SYN3: variants seen among roughly 807,000 people sequenced by gnomAD.
SYN3 encodes the protein synapsin-3.
Under a neutral mutation model 65.8 loss-of-function variants are expected in SYN3, and 35 were observed. The ratio of observed to expected loss-of-function variants is 0.53; its 90% confidence interval spans 0.41 to 0.70. The LOEUF (loss-of-function observed/expected upper bound fraction) is 0.70. SYN3 is among the 30% of genes least tolerant of loss of function. SYN3 has a pLI of 0.00. For missense variants in SYN3, 680 were observed against 749.0 expected, an observed-to-expected ratio of 0.91 and a Z score of 1.08; for synonymous variants, 270 against 292.9, an observed-to-expected ratio of 0.92 and a Z score of 0.80.
chr22:32,959,917 C>G (rs2146878785), intron 3 of SYN3, among the ~76,000 whole-genome samples: 1 of 152,242 alleles, frequency 6.6e-6, no homozygotes, highest in East Asian at 1.9e-4. Context: ...TTTTGAGGCT[C>G]AAAGGGTTCA....
chr22:32,880,318 G>C (rs528179010), intron 4 of SYN3, among the ~76,000 whole-genome samples: 2 of 152,340 alleles, frequency 1.3e-5, no homozygotes, highest in Admixed American at 1.3e-4. Context: ...GTGACTCATG[G>C]AGGGAGTCCT....
intron 3 of SYN3, among the ~76,000 whole-genome samples, chr22:32,976,386 A>G (rs2052189191): frequency 6.6e-6 from 1 of 152,196 alleles, no homozygotes; most frequent in South Asian, 2.1e-4. Context: ...ACACGGAGGA[A>G]AGACTGGCCG....
At chr22:32,643,493 C>T (rs1253260647) in intron 6 of SYN3, among the ~76,000 whole-genome samples, 1 of 121,854 alleles carries the variant, frequency 8.2e-6, no homozygotes, top group East Asian at 2.6e-4. Flanking sequence ...CCCAGAGAGT[C>T]CTTGAAATCA....
chr22:32,956,055 T>TATATATATATAC (rs2051446129), intron 3 of SYN3, among the ~76,000 whole-genome samples: 1 of 129,910 alleles, frequency 7.7e-6, no homozygotes, highest in African/African-American at 2.7e-5. Context: ...TATATATATA[T>TATATATATATAC]ATATATAAAA....
At chr22:32,650,756 C>T (rs146652710) in intron 6 of SYN3, among the ~76,000 whole-genome samples, 1,754 of 152,194 alleles carry the variant, frequency 0.012, 33 homozygotes, top group African/African-American at 0.04. Flanking sequence ...CTCACTATGC[C>T]GCGTGTTTAC....
At position 32,931,275 on chromosome 22, in the gene SYN3, A is replaced by T. The variant is rs1265463391; in HGVS notation, c.461+115T>A. The T allele has an allele frequency of 4.3e-6, 3 of 703,044 alleles. No individual in the cohort carries two copies. In the African/African-American group the frequency reaches 5.2e-5, roughly 12 times the overall value. 43.6% of individuals were successfully genotyped at this position (703,044 alleles called of 1,614,324 possible). ...CACCTGGGAAGCAGACATTCTGTACAGGAAAGTACATGTGGCAAAGGAGTT... is the reference window on the plus strand; with the variant it reads ...CACCTGGGAAGCAGACATTCTGTACTGGAAAGTACATGTGGCAAAGGAGTT... On this transcript the variant is annotated intron_variant, in intron 4 of 13. Transcript: ENST00000358763.
intron 10 of SYN3, among the ~76,000 whole-genome samples, chr22:32,533,221 TC>T (rs1409113743): frequency 6.6e-6 from 1 of 151,836 alleles, no homozygotes; most frequent in African/African-American, 2.4e-5. Context: ...CCTACATCTT[TC>T]CCTCTATTCA....
chr22:32,571,011 G>GAGCA (rs2058751819), intron 7 of SYN3, among the ~76,000 whole-genome samples: 1 of 152,168 alleles, frequency 6.6e-6, no homozygotes, highest in South Asian at 2.1e-4. Flanking sequence ...TATTTAAGCA[G>GAGCA]AGCAAGAGGG....
At chr22:32,802,053 G>C (rs1324470172) in intron 6 of SYN3, 1 of 1,577,050 alleles carries the variant, frequency 6.3e-7, no homozygotes, top group Non-Finnish European at 8.6e-7. Context: ...GAGCCTGGGG[G>C]ACTGGGGCGC....
intron 5 of SYN3, among the ~76,000 whole-genome samples, chr22:32,867,643 C>A (rs5749532): frequency 0.27 from 40,874 of 152,032 alleles, 5,692 homozygotes; most frequent in African/African-American, 0.32. Flanking sequence ...AGCGCAGTGG[C>A]GCAATCTCAG....
intron 6 of SYN3, among the ~76,000 whole-genome samples, chr22:32,709,555 G>A (rs1044180265): frequency 6.6e-6 from 1 of 151,870 alleles, no homozygotes; most frequent in South Asian, 2.1e-4. Flanking sequence ...TTTTTTTTAC[G>A]CCCCTTTAAA....
chr22:32,726,301 C>T (rs909996553), intron 6 of SYN3, among the ~76,000 whole-genome samples: 19 of 152,164 alleles, frequency 1.2e-4, no homozygotes, highest in African/African-American at 4.6e-4. Context: ...CGCCACCACG[C>T]CCAGCTAATT....
chr22:32,954,946 T>TC (rs2051404074), intron 3 of SYN3, among the ~76,000 whole-genome samples: 1 of 141,974 alleles, frequency 7.0e-6, no homozygotes, highest in Non-Finnish European at 1.6e-5. Flanking sequence ...CCTTTTCTTT[T>TC]TTTTTTTTCT....
chr22:32,786,507 T>G (rs2046197521), intron 6 of SYN3, among the ~76,000 whole-genome samples: 1 of 151,594 alleles, frequency 6.6e-6, no homozygotes, highest in African/African-American at 2.4e-5. Flanking sequence ...GGACTACAGG[T>G]GCCCGCCACC....
chr22:32,753,484 C>T (rs1419052107), intron 6 of SYN3, among the ~76,000 whole-genome samples: 5 of 152,328 alleles, frequency 3.3e-5, no homozygotes, highest in East Asian at 1.9e-4. Flanking sequence ...CCAGGCCCAA[C>T]AGACTCCCCA....
rs143014375 is a variant in SYN3 at position 32,648,884 on chromosome 22, A to G, written c.712-52148T>C. 2.8e-3 allele frequency among the ~76,000 whole-genome samples: 420 copies of G among 152,326 alleles called. 2 individuals are homozygous for G. Among genetic ancestry groups the G allele is most frequent in the African/African-American group, 9.4e-3 (390 of 41,578 alleles). On this transcript the variant is annotated intron_variant, in intron 6 of 13. Coordinates refer to ENST00000358763, the MANE Select transcript of SYN3 (RefSeq NM_003490.4). ...CAACAGTCATTGGCCACTCATACCA[A>G]TGAATGTGCATTTTACATTTTCTCC...
intron 6 of SYN3, among the ~76,000 whole-genome samples, chr22:32,712,440 G>A (rs978115083): frequency 6.6e-6 from 1 of 152,240 alleles, no homozygotes; most frequent in Non-Finnish European, 1.5e-5. Context: ...GTGTAGGACA[G>A]TGCCTTGCAG....
intron 6 of SYN3, among the ~76,000 whole-genome samples, chr22:32,783,477 G>A (rs527788827): frequency 2.6e-5 from 4 of 152,124 alleles, no homozygotes; most frequent in Non-Finnish European, 2.9e-5. Flanking sequence ...TTTAAAATGC[G>A]GCATGAACCA....
intron 6 of SYN3, among the ~76,000 whole-genome samples, chr22:32,625,128 G>A (rs2059647823): frequency 6.6e-6 from 1 of 152,304 alleles, no homozygotes; most frequent in South Asian, 2.1e-4. Flanking sequence ...CAGGGAGCCC[G>A]TCACAGTCAT....
Sources: gnomAD v4.1 joint callset for allele counts (sites outside exome capture counted in the v4.1 genomes callset) on GRCh38, gnomAD v4.1.1 for gene constraint, MANE v1.5 for transcripts, NCBI Gene and HGNC (gene_info 2026-07-23, HGNC 2026-07-21) for gene names.